The following PPARGC1A variants were observed in gnomAD, a reference collection of about 807,000 sequenced individuals.
The protein encoded by PPARGC1A is peroxisome proliferator-activated receptor gamma coactivator 1-alpha.
PPARGC1A carries 25 observed loss-of-function variants against 88.7 expected under a neutral mutation model. That is an observed-to-expected ratio of 0.28 (90% CI 0.21 to 0.39). PPARGC1A has a LOEUF of 0.39. Among genes scored for constraint, PPARGC1A ranks in the 10% least tolerant of loss-of-function variants. The pLI, the probability that PPARGC1A is intolerant of heterozygous loss-of-function variation, is 1.00. For missense variants in PPARGC1A, 880 were observed against 968.7 expected (o/e 0.91, Z 1.22); for synonymous variants, 363 against 355.6 (o/e 1.02, Z -0.24).
At chr4:24,326,172 A>G in the PPARGC1A span, among the ~76,000 whole-genome samples, 3 of 151,990 alleles carry the variant, frequency 2.0e-5, no homozygotes, top group East Asian at 3.9e-4. Context: ...TTAAAACCTA[A>G]TCACCCTTAC....
At chr4:24,096,579 G>A in the PPARGC1A span, among the ~76,000 whole-genome samples, 1 of 152,050 alleles carries the variant, frequency 6.6e-6, no homozygotes, top group Non-Finnish European at 1.5e-5. Context: ...TAATATTTAA[G>A]TAGAGTAAAC....
At chr4:24,032,083 T>A in the PPARGC1A span, among the ~76,000 whole-genome samples, 1 of 152,228 alleles carries the variant, frequency 6.6e-6, no homozygotes, top group Non-Finnish European at 1.5e-5. Flanking sequence ...AGCATTGATT[T>A]AGCAGCGATA....
At chr4:24,343,525 T>G in the PPARGC1A span, among the ~76,000 whole-genome samples, 2 of 152,160 alleles carry the variant, frequency 1.3e-5, no homozygotes, top group Non-Finnish European at 2.9e-5. Context: ...GCCAGCACAT[T>G]GATCCTAGAT....
chr4:24,402,218 G>A, the PPARGC1A span, among the ~76,000 whole-genome samples: 2 of 152,178 alleles, frequency 1.3e-5, no homozygotes, highest in Admixed American at 1.3e-4. Context: ...AATGGCGGAC[G>A]TGGACCAATG....
the PPARGC1A span, among the ~76,000 whole-genome samples, chr4:24,072,342 T>C: frequency 6.6e-6 from 1 of 151,970 alleles, no homozygotes; most frequent in Admixed American, 6.6e-5. Flanking sequence ...AGATATACTA[T>C]TGAGTTTTAG....
the PPARGC1A span, among the ~76,000 whole-genome samples, chr4:24,299,077 TA>T: frequency 1.3e-5 from 2 of 152,148 alleles, no homozygotes; most frequent in African/African-American, 4.8e-5. Context: ...AAGAAGGGGA[TA>T]AAATATTTTA....
intron 2 of PPARGC1A, chr4:23,884,429 C>G (rs1163649209): frequency 5.5e-6 from 2 of 360,768 alleles, no homozygotes; most frequent in Non-Finnish European, 9.8e-6. Context: ...GGGAAATAGA[C>G]AGGAATAAAC....
At chr4:24,205,243 A>T in the PPARGC1A span, among the ~76,000 whole-genome samples, 1 of 152,180 alleles carries the variant, frequency 6.6e-6, no homozygotes, top group Non-Finnish European at 1.5e-5. Flanking sequence ...TTGATCCCGG[A>T]GCATCTTAAA....
chr4:24,443,518 T>C, the PPARGC1A span, among the ~76,000 whole-genome samples: 1 of 152,110 alleles, frequency 6.6e-6, no homozygotes, highest in South Asian at 2.1e-4. Context: ...CCAAAGGCAA[T>C]GGTACCCACC....
the PPARGC1A span, among the ~76,000 whole-genome samples, chr4:24,129,713 A>G: frequency 6.6e-6 from 1 of 152,182 alleles, no homozygotes; most frequent in Non-Finnish European, 1.5e-5. Context: ...TTATTGTGGC[A>G]CTATTCACAA....
At chr4:24,155,122 G>GC in the PPARGC1A span, among the ~76,000 whole-genome samples, 1 of 141,010 alleles carries the variant, frequency 7.1e-6, no homozygotes, top group East Asian at 2.0e-4. Flanking sequence ...CCTCGGTTTT[G>GC]TTTTTTTTTT....
chr4:23,899,437 C>T (rs931601344), upstream of PPARGC1A: 1 of 152,078 alleles, frequency 6.6e-6, no homozygotes, highest in African/African-American at 2.4e-5. Flanking sequence ...TTTGTTTTAG[C>T]CCGAATCACA....
intron 7 of PPARGC1A, 38 bp downstream of exon 7, chr4:23,824,242 C>T (rs1169459312): frequency 6.5e-7 from 1 of 1,539,024 alleles, no homozygotes; most frequent in Non-Finnish European, 9.0e-7. Flanking sequence ...CATATACAGA[C>T]AGACACACAC....
chr4:24,074,470 A>G, the PPARGC1A span, among the ~76,000 whole-genome samples: 12 of 152,000 alleles, frequency 7.9e-5, no homozygotes, highest in African/African-American at 2.9e-4. Flanking sequence ...CTCCAGCTTT[A>G]TTGAAGTATA....
chr4:24,206,619 G>A, the PPARGC1A span, among the ~76,000 whole-genome samples: 1 of 151,936 alleles, frequency 6.6e-6, no homozygotes, highest in Non-Finnish European at 1.5e-5. Flanking sequence ...ATCACTTGAG[G>A]CCAGGAGTTC....
the PPARGC1A span, among the ~76,000 whole-genome samples, chr4:23,989,246 G>T: frequency 2.6e-5 from 4 of 151,628 alleles, no homozygotes; most frequent in East Asian, 1.9e-4. Flanking sequence ...TTCAATCCTC[G>T]GTTAACAAGA....
At chr4:24,319,929 G>A in the PPARGC1A span, among the ~76,000 whole-genome samples, 1 of 151,982 alleles carries the variant, frequency 6.6e-6, no homozygotes, top group South Asian at 2.1e-4. Flanking sequence ...TCAAAAAGCT[G>A]GCTCATTAAA....
intron 2 of PPARGC1A, among the ~76,000 whole-genome samples, chr4:23,839,095 A>T (rs1726567449): frequency 6.6e-6 from 1 of 152,192 alleles, no homozygotes; most frequent in South Asian, 2.1e-4. Context: ...TCCAATTAAT[A>T]CACATATTCC....
the PPARGC1A span, among the ~76,000 whole-genome samples, chr4:24,098,738 A>G: frequency 6.6e-6 from 1 of 152,160 alleles, no homozygotes; most frequent in Admixed American, 6.5e-5. Flanking sequence ...ATACCAACTG[A>G]CTGTGATCAG....
Sources: gnomAD v4.1 joint callset for allele counts (sites outside exome capture counted in the v4.1 genomes callset) on GRCh38, gnomAD v4.1.1 for gene constraint, MANE v1.5 for transcripts, NCBI Gene and HGNC (gene_info 2026-07-23, HGNC 2026-07-21) for gene names.